The following SUGCT variants were observed in gnomAD, a reference collection of about 807,000 sequenced individuals.
SUGCT encodes succinyl-CoA:glutarate CoA-transferase.
Under a neutral mutation model 55.0 loss-of-function variants are expected in SUGCT, and 41 were observed. The ratio of observed to expected loss-of-function variants is 0.74; its 90% confidence interval spans 0.58 to 0.97. The LOEUF (loss-of-function observed/expected upper bound fraction) is 0.97, where lower values mean the gene tolerates loss of function less well. Ranked by LOEUF, SUGCT falls within the 50% of genes least tolerant of loss-of-function variation. SUGCT has a pLI of 0.00. For missense variants in SUGCT, 568 were observed against 547.8 expected (o/e 1.04, Z -0.37); for synonymous variants, 187 against 200.4 (o/e 0.93, Z 0.56).
intron 12 of SUGCT, among the ~76,000 whole-genome samples, chr7:40,723,338 G>GC (rs1322717188): frequency 3.3e-5 from 5 of 152,158 alleles, no homozygotes; most frequent in Non-Finnish European, 5.9e-5. Flanking sequence ...ATGGCTGTGG[G>GC]AGTGGCTGCT....
intron 12 of SUGCT, among the ~76,000 whole-genome samples, chr7:40,548,740 G>T (rs1307190223): frequency 1.3e-5 from 2 of 151,984 alleles, no homozygotes; most frequent in African/African-American, 2.4e-5. Flanking sequence ...ACATGCTATG[G>T]ATTTAAAACA....
chr7:40,213,156 C>T (rs950012240), intron 6 of SUGCT, among the ~76,000 whole-genome samples: 7 of 152,030 alleles, frequency 4.6e-5, no homozygotes, highest in Non-Finnish European at 1.0e-4. Context: ...GAGAAAGACG[C>T]GTTAAAATCT....
intron 13 of SUGCT, among the ~76,000 whole-genome samples, chr7:40,844,276 AC>A (rs1201583837): frequency 2.0e-5 from 3 of 151,978 alleles, no homozygotes; most frequent in Non-Finnish European, 2.9e-5. Context: ...AGCCTTTTAC[AC>A]CCTGCCCTCT....
chr7:40,616,495 A>C (rs571600768), intron 12 of SUGCT, among the ~76,000 whole-genome samples: 4 of 152,364 alleles, frequency 2.6e-5, no homozygotes, highest in African/African-American at 7.2e-5. Flanking sequence ...AATTAGTTTT[A>C]TACATGAGAA....
the SUGCT span, among the ~76,000 whole-genome samples, chr7:40,904,083 C>T: frequency 2.6e-5 from 4 of 152,190 alleles, no homozygotes; most frequent in Admixed American, 6.6e-5. Context: ...GCAATCATTA[C>T]GACTTTATTA....
intron 1 of SUGCT, among the ~76,000 whole-genome samples, chr7:40,179,925 A>G (rs1333341871): frequency 6.6e-6 from 1 of 152,222 alleles, no homozygotes; most frequent in African/African-American, 2.4e-5. Flanking sequence ...GGTTGTGGAT[A>G]TCTGGAGGTG....
At chr7:40,539,342 A>G (rs1794547643) in intron 12 of SUGCT, 1 of 152,170 alleles carries the variant, frequency 6.6e-6, no homozygotes, top group Non-Finnish European at 1.5e-5. Flanking sequence ...TCAAGATGAT[A>G]AAAGAGCAAT....
chr7:40,799,218 C>A (rs181053375), intron 13 of SUGCT, among the ~76,000 whole-genome samples: 10 of 152,268 alleles, frequency 6.6e-5, no homozygotes, highest in Admixed American at 2.0e-4. Flanking sequence ...CTTCAGTTCC[C>A]TAGAATTGGT....
chr7:40,993,580 T>G, the SUGCT span, among the ~76,000 whole-genome samples: 98 of 152,290 alleles, frequency 6.4e-4, no homozygotes, highest in African/African-American at 2.3e-3. Flanking sequence ...ATCTGCAGTT[T>G]CCTTCATGAG....
At position 40,366,040 on chromosome 7, in the gene SUGCT, A is replaced by C. The variant is rs143576983; in HGVS notation, c.816+49185A>C. Among the ~76,000 whole-genome samples, 644 of 152,370 alleles carry C rather than the reference A, an allele frequency of 4.2e-3. 3 individuals are homozygous for C. Among genetic ancestry groups the C allele is most frequent in the African/African-American group, 0.013 (543 of 41,592 alleles). On this transcript the variant is annotated intron_variant, in intron 9 of 13. Transcript: ENST00000335693. ...ACTACGAGGCTACAGTTACCAAAAC[A>C]GCATGGTACTGGTACCAAAACAGAG...
chr7:40,683,278 C>G (rs1337116154), intron 12 of SUGCT, among the ~76,000 whole-genome samples: 1 of 152,080 alleles, frequency 6.6e-6, no homozygotes, highest in Admixed American at 6.6e-5. Flanking sequence ...AGGACAACAT[C>G]TTTTGTTAAA....
chr7:40,177,068 T>C (rs1396851326), intron 1 of SUGCT, among the ~76,000 whole-genome samples: 1 of 152,166 alleles, frequency 6.6e-6, no homozygotes, highest in Non-Finnish European at 1.5e-5. Context: ...CACTATTCAG[T>C]ATTTAGGTTG....
intron 12 of SUGCT, among the ~76,000 whole-genome samples, chr7:40,665,825 T>A (rs1801599510): frequency 6.6e-6 from 1 of 152,112 alleles, no homozygotes; most frequent in African/African-American, 2.4e-5. Context: ...TCTTATTTAT[T>A]TTGAAATTTA....
intron 12 of SUGCT, among the ~76,000 whole-genome samples, chr7:40,725,677 T>TTGAAA (rs1786577643): frequency 6.6e-6 from 1 of 152,080 alleles, no homozygotes; most frequent in African/African-American, 2.4e-5. Context: ...TGGTAATCTC[T>TTGAAA]TGAAACCCTA....
chr7:40,354,963 A>G (rs893554240), intron 9 of SUGCT, among the ~76,000 whole-genome samples: 2 of 151,822 alleles, frequency 1.3e-5, no homozygotes, highest in Admixed American at 1.3e-4. Context: ...TTTTTTTCTT[A>G]CATTGACTCA....
intron 1 of SUGCT, among the ~76,000 whole-genome samples, chr7:40,161,201 C>T (rs1784128528): frequency 6.6e-6 from 1 of 152,200 alleles, no homozygotes; most frequent in Non-Finnish European, 1.5e-5. Context: ...CCAGACATTT[C>T]TCTTGCTCTT....
At chr7:40,377,135 T>TTTCC in intron 9 of SUGCT, among the ~76,000 whole-genome samples, 1 of 10,806 alleles carries the variant, frequency 9.3e-5, no homozygotes, top group Non-Finnish European at 3.2e-4. Flanking sequence ...TTCCTCTTTC[T>TTTCC]TTCTTTCTTT....
the SUGCT span, among the ~76,000 whole-genome samples, chr7:40,900,738 G>A: frequency 1.3e-5 from 2 of 152,212 alleles, no homozygotes; most frequent in Non-Finnish European, 2.9e-5. Flanking sequence ...CTGCATTTCC[G>A]CAAGGAAGCT....
intron 12 of SUGCT, among the ~76,000 whole-genome samples, chr7:40,739,135 A>G (rs370609472): frequency 3.9e-5 from 6 of 152,172 alleles, no homozygotes; most frequent in Non-Finnish European, 7.3e-5. Flanking sequence ...AAACTATACC[A>G]CAATATCACA....
Sources: allele counts gnomAD v4.1 joint callset (sites outside exome capture counted in the v4.1 genomes callset), GRCh38; gene constraint gnomAD v4.1.1; transcripts MANE v1.5; gene names NCBI Gene and HGNC (gene_info 2026-07-23, HGNC 2026-07-21).